CYP2C19: variants seen among roughly 807,000 people sequenced by gnomAD.
CYP2C19 encodes cytochrome P450 family 2 subfamily C member 19.
In CYP2C19, 59 loss-of-function variants were observed where a neutral mutation model predicts 40.9. The ratio of observed to expected loss-of-function variants is 1.44; its 90% CI spans 1.17 to 1.79. CYP2C19 has a LOEUF of 1.79. CYP2C19 is among the 40% of genes most tolerant of loss of function. The pLI is 0.00. For missense variants in CYP2C19, 754 were observed against 596.9 expected (o/e 1.26, Z -2.74); for synonymous variants, 253 against 208.7 (o/e 1.21, Z -1.83).
intron 8 of CYP2C19, among the ~76,000 whole-genome samples, chr10:94,851,483 TA>T (rs1472466237): frequency 4.0e-4 from 42 of 104,554 alleles, no homozygotes; most frequent in Non-Finnish European, 8.2e-4. Context: ...AATAAATAAA[TA>T]AATAAATAAG....
At chr10:94,841,819 C>T (rs10748628) in intron 6 of CYP2C19, among the ~76,000 whole-genome samples, 150,282 of 152,306 alleles carry the variant, frequency 0.99, 74,170 homozygotes, top group East Asian at 1. Context: ...CCTTGTGTTA[C>T]TGATGGCTAG....
intron 5 of CYP2C19, among the ~76,000 whole-genome samples, chr10:94,786,762 G>A (rs1307167113): frequency 1.3e-5 from 2 of 152,040 alleles, no homozygotes; most frequent in South Asian, 2.1e-4. Context: ...ATGAGAACAC[G>A]TGGCATTTGA....
chr10:94,787,942 G>T (rs1848563596), intron 5 of CYP2C19, among the ~76,000 whole-genome samples: 1 of 152,128 alleles, frequency 6.6e-6, no homozygotes, highest in South Asian at 2.1e-4. Context: ...CATTGAATCT[G>T]TAGATAGCTT....
At chr10:94,847,477 T>G (rs905558334) in intron 7 of CYP2C19, among the ~76,000 whole-genome samples, 2 of 152,222 alleles carry the variant, frequency 1.3e-5, no homozygotes, top group African/African-American at 4.8e-5. Flanking sequence ...CAGTCTATCA[T>G]TGTTGGATAT....
rs944576547 is a variant in CYP2C19 at position 94,850,204 on chromosome 10, G to A, written c.1291+146G>A. On this transcript the variant is annotated intron_variant, in intron 8 of 8. Transcript: ENST00000371321. ...TGTTCTGAATGCCTGTGTTTTCTCC[G>A]CTGGTGATACATCCTCATTATTCGG... 49 of 929,872 alleles carry A rather than the reference G, an allele frequency of 5.3e-5. 1 individual carries two copies. The highest frequency in any genetic ancestry group is 7.6e-5 in the Non-Finnish European group (46 of 605,366). 57.6% of individuals were successfully genotyped at this position (929,872 alleles called of 1,614,324 possible).
chr10:94,789,781 G>A (rs1848583503), intron 5 of CYP2C19, among the ~76,000 whole-genome samples: 1 of 152,126 alleles, frequency 6.6e-6, no homozygotes, highest in Non-Finnish European at 1.5e-5. Flanking sequence ...GTAGCATGAT[G>A]CCTCCAGCTT....
At chr10:94,835,546 T>G (rs1455696276) in intron 6 of CYP2C19, among the ~76,000 whole-genome samples, 1 of 152,178 alleles carries the variant, frequency 6.6e-6, no homozygotes, top group Non-Finnish European at 1.5e-5. Context: ...GCAGCTCTTT[T>G]GGCCTCAATA....
intron 6 of CYP2C19, among the ~76,000 whole-genome samples, chr10:94,841,294 C>T (rs1470959551): frequency 6.6e-6 from 1 of 152,148 alleles, no homozygotes; most frequent in South Asian, 2.1e-4. Flanking sequence ...AGATTTTAGC[C>T]CTATCGGGAA....
Position 94,775,048 on chromosome 10 carries a change from C to A in CYP2C19, c.169-10C>A. 6.2e-7 allele frequency: 1 copy of A among 1,613,794 alleles called. No individual in the cohort carries two copies. The highest frequency in any genetic ancestry group is 8.5e-7 in the Non-Finnish European group (1 of 1,179,830). On this transcript the variant is annotated splice_polypyrimidine_tract_variant and intron_variant, in intron 1 of 8. Coordinates refer to ENST00000371321, the MANE Select transcript of CYP2C19 (RefSeq NM_000769.4). Reference sequence around the variant, plus strand: ...ACTTCATTTGCTGTTAACTGTATCTCCTTTTCTAGCTCTCAAAAATCTATG... The same window carrying A: ...ACTTCATTTGCTGTTAACTGTATCTACTTTTCTAGCTCTCAAAAATCTATG...
rs1849631684 is a variant in CYP2C19, at chr10:94,850,181, T to C, written c.1291+123T>C. 5.2e-6 allele frequency: 6 copies of C among 1,161,928 alleles called. No homozygotes were observed. In the Admixed American group the frequency reaches 9.7e-5, roughly 19 times the overall value. The allele number at this position is 1,161,928 out of a possible 1,614,324, so 72.0% of individuals were successfully genotyped here. ...TCTTTGTACATGATCAAGAGCACTGTTCTGAATGCCTGTGTTTTCTCCGCT... is the reference window on the plus strand; with the variant it reads ...TCTTTGTACATGATCAAGAGCACTGCTCTGAATGCCTGTGTTTTCTCCGCT... On this transcript the variant is annotated intron_variant, in intron 8 of 8. Coordinates refer to ENST00000371321, the MANE Select transcript of CYP2C19 (RefSeq NM_000769.4).
chr10:94,852,656 C>A (rs1353995464), intron 8 of CYP2C19, 77 bp from the exon 9 acceptor site: 5 of 1,492,412 alleles, frequency 3.4e-6, no homozygotes, highest in African/African-American at 1.4e-5. Context: ...TCTGTCTGTG[C>A]CAGTTATAGA....
rs114270396 is a variant in CYP2C19 at position 94,855,352 on chromosome 10, T to C, written c.*2438T>C. Among the ~76,000 whole-genome samples the C allele has an allele frequency of 4.8e-4, 73 of 152,348 alleles. No individual in the cohort carries two copies. The highest frequency in any genetic ancestry group is 2.7e-3 in the South Asian group (13 of 4,826). Reference sequence around the variant, plus strand: ...GCTTTTTAAGTGTCAGAGCCAACAATTGGACAAGGGCAATCTGACTGGAAA... The same window carrying C: ...GCTTTTTAAGTGTCAGAGCCAACAACTGGACAAGGGCAATCTGACTGGAAA... On this transcript the variant is annotated 3_prime_UTR_variant, in exon 9 of 9. Coordinates refer to ENST00000371321, the MANE Select transcript of CYP2C19 (RefSeq NM_000769.4).
intron 1 of CYP2C19, among the ~76,000 whole-genome samples, chr10:94,763,646 G>A (rs552968432): frequency 1.3e-5 from 2 of 152,058 alleles, no homozygotes; most frequent in Admixed American, 1.3e-4. Context: ...AGAGAATGAG[G>A]CTGTAGTTAT....
intron 1 of CYP2C19, among the ~76,000 whole-genome samples, chr10:94,769,599 G>T (rs1047781411): frequency 1.3e-5 from 2 of 152,288 alleles, no homozygotes; most frequent in African/African-American, 4.8e-5. Context: ...CAGACTGTTT[G>T]GTTTTTGTAC....
In CYP2C19 at chr10:94,853,083, A is replaced by G; in HGVS notation, c.*169A>G. 1.5e-6 allele frequency: 1 copy of G among 657,852 alleles called. No homozygotes were observed. The allele number at this position is 657,852 out of a possible 1,614,324, so 40.8% of individuals were successfully genotyped here. ...ATTAAAAAAGTTTCACTGTGCAAAT[A>G]TATCTGCTATTCCCCATACTCTATA... On this transcript the variant is annotated 3_prime_UTR_variant, in exon 9 of 9. Transcript: ENST00000371321.
At chr10:94,850,103 CT>C (rs1849630770) in intron 8 of CYP2C19, 45 bp downstream of exon 8, 1 of 1,608,340 alleles carries the variant, frequency 6.2e-7, no homozygotes. Context: ...TACAAGATAA[CT>C]TTTTTGATCA....
chr10:94,820,652 G>T lies in CYP2C19; in HGVS notation c.961+15G>T. 6.2e-7 allele frequency: 1 copy of T among 1,614,134 alleles called. No homozygotes were observed. The highest frequency in any genetic ancestry group is 8.5e-7 in the Non-Finnish European group (1 of 1,180,000). ...AGAGGTCACAGGTATGATCACAGAGGATGAGTTAATTGAGTTTTAGGAAAG... is the reference window on the plus strand; with the variant it reads ...AGAGGTCACAGGTATGATCACAGAGTATGAGTTAATTGAGTTTTAGGAAAG... On this transcript the variant is annotated intron_variant, in intron 6 of 8. Coordinates refer to ENST00000371321, the MANE Select transcript of CYP2C19 (RefSeq NM_000769.4).
chr10:94,764,403 T>C (rs1369935943), intron 1 of CYP2C19, among the ~76,000 whole-genome samples: 1 of 152,128 alleles, frequency 6.6e-6, no homozygotes, highest in Non-Finnish European at 1.5e-5. Context: ...TGTTGATTGG[T>C]GCATCTGCAA....
chr10:94,845,800 T>C (rs1380336506), intron 7 of CYP2C19, among the ~76,000 whole-genome samples: 1 of 152,098 alleles, frequency 6.6e-6, no homozygotes, highest in African/African-American at 2.4e-5. Flanking sequence ...TAAAACAAAA[T>C]TGTAGACTAT....
Sources: allele counts gnomAD v4.1 joint callset (sites outside exome capture counted in the v4.1 genomes callset), GRCh38; gene constraint gnomAD v4.1.1; transcripts MANE v1.5; gene names NCBI Gene and HGNC (gene_info 2026-07-23, HGNC 2026-07-21).